Variants in ALK observed in about 807,000 individuals in gnomAD.
ALK encodes ALK tyrosine kinase receptor.
Under a neutral mutation model 163.1 loss-of-function variants are expected in ALK, and 74 were observed. The observed-to-expected ratio is 0.45, with a 90% CI of 0.38 to 0.55. The LOEUF is 0.55. Ranked by LOEUF, ALK falls within the 20% of genes least tolerant of loss-of-function variation. The pLI is 0.00. For synonymous variants in ALK, 960 were observed against 843.2 expected, an observed-to-expected ratio of 1.14 and a Z score of -2.40; for missense variants, 2,063 against 2,105.3, an observed-to-expected ratio of 0.98 and a Z score of 0.39.
chr2:29,211,708 A>T (rs1371337975), intron 24 of ALK, among the ~76,000 whole-genome samples: 1 of 152,194 alleles, frequency 6.6e-6, no homozygotes, highest in Non-Finnish European at 1.5e-5. Context: ...TGTACCACAG[A>T]CCTCTTAGCT....
At chr2:29,309,382 A>G (rs1049193511) in intron 8 of ALK, among the ~76,000 whole-genome samples, 11 of 152,186 alleles carry the variant, frequency 7.2e-5, no homozygotes, top group Non-Finnish European at 1.5e-4. Context: ...GGAAGATCCT[A>G]TTCACACCCA....
At chr2:29,880,996 A>T (rs914565597) in intron 1 of ALK, among the ~76,000 whole-genome samples, 6 of 152,244 alleles carry the variant, frequency 3.9e-5, no homozygotes, top group African/African-American at 1.4e-4. Context: ...AAGGGTGGAC[A>T]GTTCAACTAA....
intron 3 of ALK, among the ~76,000 whole-genome samples, chr2:29,645,267 G>A (rs756158393): frequency 3.9e-5 from 6 of 152,022 alleles, no homozygotes; most frequent in Non-Finnish European, 8.8e-5. Context: ...TAATTAAATA[G>A]GATCAATATT....
At chr2:29,759,051 C>T (rs567343615) in intron 1 of ALK, among the ~76,000 whole-genome samples, 17 of 152,212 alleles carry the variant, frequency 1.1e-4, no homozygotes, top group East Asian at 5.8e-4. Flanking sequence ...ATTTATTAAA[C>T]GCAGTTCTTC....
intron 3 of ALK, among the ~76,000 whole-genome samples, chr2:29,683,887 G>A (rs1241935318): frequency 6.6e-6 from 1 of 152,154 alleles, no homozygotes; most frequent in African/African-American, 2.4e-5. Flanking sequence ...TTTACAGAAT[G>A]GTCTCTTGTG....
In ALK at chr2:29,920,170, C is replaced by T. The variant is rs1060500219; in HGVS notation, c.490G>A (p.Gly164Arg). 8.1e-6 allele frequency: 13 copies of T among 1,613,416 alleles called. No homozygotes were observed. The highest frequency in any genetic ancestry group is 1.1e-5 in the South Asian group (1 of 91,092). Reference protein sequence around the residue: ...CVGPPGEAAVGLLQFNLSELF... With the variant: ...CVGPPGEAAVRLLQFNLSELF... ...TCGCTGAGATTGAACTGGAGCAGCC[C>T]CACAGCCGCCTCCCCGGGGGGCCCG... The change falls in exon 1 of 29, where the codon GGG (glycine) becomes AGG (arginine). Residue 164 changes from glycine (G) to arginine (R), a missense_variant. Around this residue, in one of 5 missense-constraint regions of ALK, gnomAD observed 987 missense variants for 939.5 expected, o/e 1.05. Transcript: ENST00000389048.
intron 8 of ALK, among the ~76,000 whole-genome samples, chr2:29,316,095 C>T (rs10168147): frequency 0.069 from 10,500 of 152,164 alleles, 416 homozygotes; most frequent in Non-Finnish European, 0.077. Context: ...GGGTTTAGCC[C>T]GCCCGGGAGG....
At chr2:29,631,196 C>G (rs1385003143) in intron 3 of ALK, among the ~76,000 whole-genome samples, 9 of 152,184 alleles carry the variant, frequency 5.9e-5, no homozygotes, top group Admixed American at 5.9e-4. Flanking sequence ...GAGAAAATTC[C>G]CCATTAATAT....
rs534664947 is a variant in ALK, at chr2:29,753,831, T to C, written c.668-36134A>G. ...TGACAATTCCAGGCCATGAATCTGA[T>C]GCTAGACATGCCAAAAGAAATGGAA... On this transcript the variant is annotated intron_variant, in intron 1 of 28. Coordinates refer to ENST00000389048, the MANE Select transcript of ALK (RefSeq NM_004304.5). Among the ~76,000 whole-genome samples the C allele has an allele frequency of 2.6e-5, 4 of 152,364 alleles. No homozygotes were observed. The South Asian group carries it at 6.2e-4, about 24-fold the overall frequency.
In ALK at chr2:29,326,504, T is replaced by C. The variant is rs12621418; in HGVS notation, c.1414+1846A>G. On this transcript the variant is annotated intron_variant, in intron 6 of 28. Coordinates refer to ENST00000389048, the MANE Select transcript of ALK (RefSeq NM_004304.5). ...TGGAAACACTGCAGACACAAATAAA[T>C]AGAGACACACACACAGGCCCCTGAA... Among the ~76,000 whole-genome samples the C allele has an allele frequency of 1.5e-3, 224 of 152,004 alleles. 4 individuals are homozygous for C. In the East Asian group the frequency reaches 0.043, roughly 29 times the overall value.
intron 3 of ALK, among the ~76,000 whole-genome samples, chr2:29,608,292 T>C (rs1308502595): frequency 2.0e-5 from 3 of 152,216 alleles, no homozygotes; most frequent in African/African-American, 7.2e-5. Flanking sequence ...CACTAGAACA[T>C]ATGCTTCATG....
Position 29,429,926 on chromosome 2 carries a change from G to C in ALK, c.1155-46067C>G, listed in dbSNP as rs1334677412. On this transcript the variant is annotated intron_variant, in intron 4 of 28. Transcript: ENST00000389048. ...AATAAACCCTCAAATTTGTGGTTGAGTCTTGAGAGGGTACCAAGACAATTC... is the reference window on the plus strand; with the variant it reads ...AATAAACCCTCAAATTTGTGGTTGACTCTTGAGAGGGTACCAAGACAATTC... Among the ~76,000 whole-genome samples the C allele has an allele frequency of 2.0e-5, 3 of 152,220 alleles. No individual in the cohort carries two copies. In the South Asian group the frequency reaches 6.2e-4, roughly 32 times the overall value.
At chr2:29,553,605 A>C (rs1223726282) in intron 3 of ALK, among the ~76,000 whole-genome samples, 1 of 152,168 alleles carries the variant, frequency 6.6e-6, no homozygotes, top group Non-Finnish European at 1.5e-5. Flanking sequence ...TGTCATTTGC[A>C]TACACTCAAT....
At position 29,459,497 on chromosome 2, in the gene ALK, TTTGA is replaced by T. The variant is rs565047694; in HGVS notation, c.1154+72414_1154+72417del. Among the ~76,000 whole-genome samples the T allele has an allele frequency of 3.9e-4, 60 of 152,230 alleles. No individual in the cohort carries two copies. The South Asian group carries it at 8.1e-3, about 21-fold the overall frequency. On this transcript the variant is annotated intron_variant, in intron 4 of 28. Transcript: ENST00000389048. ...CCTATCTAATCCTCAGGCGGAAATC[TTTGA>T]TTGTTGCAAACTCGTTATTTTTGGC...
At chr2:29,283,063 G>A (rs1261734943) in intron 9 of ALK, among the ~76,000 whole-genome samples, 1 of 152,196 alleles carries the variant, frequency 6.6e-6, no homozygotes, top group Non-Finnish European at 1.5e-5. Context: ...TCCAGCAAGC[G>A]AGGGGCCTGT....
intron 3 of ALK, among the ~76,000 whole-genome samples, chr2:29,671,476 C>G (rs1677686496): frequency 6.6e-6 from 1 of 152,042 alleles, no homozygotes; most frequent in Non-Finnish European, 1.5e-5. Flanking sequence ...GGATATTTTT[C>G]CCTTTAGACA....
intron 4 of ALK, among the ~76,000 whole-genome samples, chr2:29,517,899 C>T (rs1055404905): frequency 5.9e-5 from 9 of 152,300 alleles, no homozygotes; most frequent in African/African-American, 2.2e-4. Flanking sequence ...AGAACCTCGC[C>T]TCCCCTTCAT....
intron 3 of ALK, among the ~76,000 whole-genome samples, chr2:29,600,874 C>A (rs1675363953): frequency 6.6e-6 from 1 of 152,152 alleles, no homozygotes; most frequent in African/African-American, 2.4e-5. Context: ...CTTGGAGGAC[C>A]ATGAAAGGGC....
At chr2:29,399,923 T>C (rs1282924420) in intron 4 of ALK, among the ~76,000 whole-genome samples, 1 of 152,218 alleles carries the variant, frequency 6.6e-6, no homozygotes, top group African/African-American at 2.4e-5. Flanking sequence ...AAAGCCCATT[T>C]TTTCGATAGG....
Sources: allele counts gnomAD v4.1 joint callset (sites outside exome capture counted in the v4.1 genomes callset), GRCh38; gene constraint gnomAD v4.1.1; regional missense constraint gnomAD v4.1.1; transcripts MANE v1.5; gene names NCBI Gene and HGNC (gene_info 2026-07-23, HGNC 2026-07-21).